The following IYD variants were observed in gnomAD, a reference collection of about 807,000 sequenced individuals.
The protein encoded by IYD is iodotyrosine deiodinase.
IYD carries 25 observed loss-of-function variants against 28.4 expected under a neutral mutation model. The observed-to-expected ratio is 0.88, with a 90% CI of 0.64 to 1.23. IYD has a LOEUF of 1.23. Among genes scored for constraint, IYD ranks in the 50% most tolerant of loss-of-function variants. The probability of loss-of-function intolerance (pLI) is 0.00; values close to 1 mark genes in which losing one functional copy is unlikely to be tolerated. For synonymous variants in IYD, 140 were observed against 130.8 expected (o/e 1.07, Z -0.48); for missense variants, 352 against 357.9 (o/e 0.98, Z 0.13).
At chr6:150,386,992 C>G (rs769200749) in intron 1 of IYD, among the ~76,000 whole-genome samples, 1 of 151,842 alleles carries the variant, frequency 6.6e-6, no homozygotes, top group Non-Finnish European at 1.5e-5. Context: ...GTGTTCTTCC[C>G]GAGGTAAACT....
intron 1 of IYD, among the ~76,000 whole-genome samples, chr6:150,370,938 A>T (rs779929981): frequency 6.6e-6 from 1 of 152,134 alleles, no homozygotes; most frequent in African/African-American, 2.4e-5. Flanking sequence ...GAAAAGGGAG[A>T]CAGCAGTCTA....
Position 150,392,565 on chromosome 6 carries a change from A to T in IYD, c.530+61A>T. 3 of 1,512,018 alleles carry T rather than the reference A, an allele frequency of 2.0e-6. No individual in the cohort carries two copies. In the South Asian group the frequency reaches 3.4e-5, roughly 17 times the overall value. 93.7% of individuals were successfully genotyped at this position (1,512,018 alleles called of 1,614,324 possible). A position where few individuals can be genotyped will look rare whatever the true frequency, so the allele number is the denominator to read the frequency against. On this transcript the variant is annotated intron_variant, in intron 3 of 4. Transcript: ENST00000344419. ...GGCCTCTTAAAATAAAATCACCACC[A>T]CCACCATGTCCTGGCTTTGTTGTAA...
chr6:150,387,853 A>T (rs1777935968), intron 1 of IYD, among the ~76,000 whole-genome samples: 1 of 150,260 alleles, frequency 6.7e-6, no homozygotes, highest in Non-Finnish European at 1.5e-5. Context: ...CTTCTTTTTA[A>T]TTTTTTTCCT....
rs181344399 is a variant in IYD at position 150,402,268 on chromosome 6, C to A, written c.*4031C>A. The A allele has an allele frequency of 6.6e-4, 101 of 152,302 alleles. No homozygotes were observed. The highest frequency in any genetic ancestry group is 2.3e-3 in the African/African-American group (96 of 41,534). 9.4% of individuals were successfully genotyped at this position (152,302 alleles called of 1,614,324 possible). On this transcript the variant is annotated 3_prime_UTR_variant, in exon 5 of 5. Transcript: ENST00000344419. ...ATGGCTGCCTCCTTCCTAGAGGCAG[C>A]AGGGGGAGAAAACACTGGAAGAGGT... is the stretch of plus-strand genomic sequence containing the variant.
chr6:150,392,771 T>A (rs972974254), intron 3 of IYD, among the ~76,000 whole-genome samples: 9 of 152,230 alleles, frequency 5.9e-5, no homozygotes, highest in Non-Finnish European at 1.2e-4. Flanking sequence ...GGTAAAATTC[T>A]TCTCAAGATC....
At chr6:150,394,870 T>C (rs581697) in intron 4 of IYD, among the ~76,000 whole-genome samples, 60,735 of 152,078 alleles carry the variant, frequency 0.4, 13,750 homozygotes, top group Non-Finnish European at 0.53. Flanking sequence ...ATTGTGTCAC[T>C]CAGGCTGGAG....
At chr6:150,389,324 T>G (rs1340311193) in intron 1 of IYD, 28 bp from the exon 2 acceptor site, 1 of 1,583,456 alleles carries the variant, frequency 6.3e-7, no homozygotes, top group East Asian at 2.2e-5. Flanking sequence ...ATCATTTAGT[T>G]TGTTACCTTT....
Position 150,400,898 on chromosome 6 carries a change from A to G in IYD, c.*2661A>G, listed in dbSNP as rs1284005845. On this transcript the variant is annotated 3_prime_UTR_variant, in exon 5 of 5. Coordinates refer to ENST00000344419, the MANE Select transcript of IYD (RefSeq NM_203395.3). ...TGGATTTTGGTTTAGGAAAAATCTC[A>G]TAGGTATAAAAGACAACTGGGAATG... 6 of 152,254 alleles carry G rather than the reference A, an allele frequency of 3.9e-5. No individual in the cohort carries two copies. The highest frequency in any genetic ancestry group is 1.4e-4 in the African/African-American group (6 of 41,468). 9.4% of individuals were successfully genotyped at this position (152,254 alleles called of 1,614,324 possible).
At chr6:150,386,771 A>G (rs1468758199) in intron 1 of IYD, among the ~76,000 whole-genome samples, 1 of 152,150 alleles carries the variant, frequency 6.6e-6, no homozygotes, top group East Asian at 1.9e-4. Flanking sequence ...TTTATTATCA[A>G]TAATGCTTTT....
chr6:150,386,358 TTTTG>T (rs144509163), intron 1 of IYD, among the ~76,000 whole-genome samples: 2,306 of 152,152 alleles, frequency 0.015, 53 homozygotes, highest in African/African-American at 0.053. Context: ...CTTTAAGGTA[TTTTG>T]TTTGTTTTTT....
chr6:150,375,619 G>A (rs769039517), intron 1 of IYD, among the ~76,000 whole-genome samples: 1 of 136,634 alleles, frequency 7.3e-6, no homozygotes, highest in Non-Finnish European at 1.6e-5. Context: ...GGTCAAAGCA[G>A]CCTGATGAAT....
rs986761022 is a variant in IYD, at chr6:150,402,515, C to T, written c.*4278C>T. 4 of 152,076 alleles carry T rather than the reference C, an allele frequency of 2.6e-5. No homozygotes were observed. Among genetic ancestry groups the T allele is most frequent in the Non-Finnish European group, 4.4e-5 (3 of 68,012 alleles). 9.4% of individuals were successfully genotyped at this position (152,076 alleles called of 1,614,324 possible). ...ATTTGGAAAACAAAACTGGATATAACAGAAAAGAAAAGGAGGGGAGAAGGA... is the reference window on the plus strand; with the variant it reads ...ATTTGGAAAACAAAACTGGATATAATAGAAAAGAAAAGGAGGGGAGAAGGA... On this transcript the variant is annotated 3_prime_UTR_variant, in exon 5 of 5. Transcript: ENST00000344419.
intron 1 of IYD, chr6:150,370,490 C>G: frequency 1.0e-6 from 1 of 985,344 alleles, no homozygotes; most frequent in Non-Finnish European, 1.2e-6. Flanking sequence ...CGCAGGGTGT[C>G]CAGCTGGCTC....
chr6:150,369,074 T>G lies in IYD; in HGVS notation c.43T>G (p.Leu15Val). The part of the protein sequence containing the change: ...TPILVAILCI[L>V]VVWIFKNADR... ...CATCTTGGTAGCCATTCTCTGCATT[T>G]TGGTTGTGTGGATCTTTAAAAATGC... The change falls in exon 1 of 5, where the codon TTG (leucine) becomes GTG (valine). Residue 15 changes from leucine to valine, a missense_variant. Transcript: ENST00000344419. 6.2e-7 allele frequency: 1 copy of G among 1,613,986 alleles called. No individual in the cohort carries two copies. The highest frequency in any genetic ancestry group is 8.5e-7 in the Non-Finnish European group (1 of 1,179,964).
rs1372942384 is a variant in IYD at position 150,399,117 on chromosome 6, C to T, written c.*880C>T. On this transcript the variant is annotated 3_prime_UTR_variant, in exon 5 of 5. Coordinates refer to ENST00000344419, the MANE Select transcript of IYD (RefSeq NM_203395.3). ...CAGGGTACCCTTGGGTCGCACGGGC[C>T]TGGCTGGCATGTAAACGGTCAGTTG... 6.6e-6 allele frequency: 1 copy of T among 152,234 alleles called. No homozygotes were observed. Among genetic ancestry groups the T allele is most frequent in the Non-Finnish European group, 1.5e-5 (1 of 68,080 alleles). 9.4% of individuals were successfully genotyped at this position (152,234 alleles called of 1,614,324 possible).
At chr6:150,394,418 T>C (rs1778237083) in intron 4 of IYD, among the ~76,000 whole-genome samples, 163 bp downstream of exon 4, 1 of 152,214 alleles carries the variant, frequency 6.6e-6, no homozygotes, top group East Asian at 1.9e-4. Context: ...TTGGTGACTA[T>C]GATGGTTCAG....
At chr6:150,377,763 A>G (rs990100321) in intron 1 of IYD, among the ~76,000 whole-genome samples, 9 of 152,254 alleles carry the variant, frequency 5.9e-5, no homozygotes, top group African/African-American at 2.2e-4. Context: ...GCATTTGCTT[A>G]TATACCACTT....
intron 1 of IYD, among the ~76,000 whole-genome samples, chr6:150,374,930 T>C (rs1329369093): frequency 6.6e-6 from 1 of 152,072 alleles, no homozygotes; most frequent in African/African-American, 2.4e-5. Context: ...CAGTGGAAGG[T>C]CAGAAAGCCC....
chr6:150,378,376 G>A (rs1456815608), intron 1 of IYD, among the ~76,000 whole-genome samples: 1 of 150,966 alleles, frequency 6.6e-6, no homozygotes, highest in Non-Finnish European at 1.5e-5. Flanking sequence ...TCCCCTTCCT[G>A]TGTCCATGTG....
Sources: allele counts gnomAD v4.1 joint callset (sites outside exome capture counted in the v4.1 genomes callset), GRCh38; gene constraint gnomAD v4.1.1; transcripts MANE v1.5; gene names NCBI Gene and HGNC (gene_info 2026-07-23, HGNC 2026-07-21).